EYS: variants seen among roughly 807,000 people sequenced by gnomAD.
The protein encoded by EYS is protein eyes shut homolog.
Under a neutral mutation model 282.1 loss-of-function variants are expected in EYS, and 250 were observed. That is an observed-to-expected ratio of 0.89 (90% CI 0.80 to 0.98). The LOEUF is 0.98. EYS is among the 50% of genes least tolerant of loss of function. The pLI is 0.00. For synonymous variants in EYS, 1,355 were observed against 1,282.9 expected (o/e 1.06, Z -1.20); for missense variants, 4,016 against 3,709.0 (o/e 1.08, Z -2.15).
At chr6:63,898,740 G>A (rs890876403) in intron 35 of EYS, among the ~76,000 whole-genome samples, 12 of 152,004 alleles carry the variant, frequency 7.9e-5, no homozygotes, top group Non-Finnish European at 1.2e-4. Context: ...TCACTCGAAT[G>A]ATGAATCAAA....
chr6:63,895,465 A>C (rs2149727667), intron 35 of EYS, among the ~76,000 whole-genome samples: 1 of 152,344 alleles, frequency 6.6e-6, no homozygotes, highest in East Asian at 1.9e-4. Context: ...TGGAATCAGG[A>C]ACTAAATTCT....
chr6:64,870,145 G>A (rs1314070929), intron 19 of EYS, among the ~76,000 whole-genome samples: 1 of 151,566 alleles, frequency 6.6e-6, no homozygotes, highest in Non-Finnish European at 1.5e-5. Flanking sequence ...CACAAGATGA[G>A]TAGGAACATA....
intron 29 of EYS, among the ~76,000 whole-genome samples, chr6:64,311,569 C>A (rs919167564): frequency 1.3e-5 from 2 of 152,120 alleles, no homozygotes; most frequent in African/African-American, 4.8e-5. Context: ...AAACAAAATT[C>A]TCGAGCTCGC....
chr6:64,823,827 A>C (rs531615109), intron 19 of EYS, among the ~76,000 whole-genome samples: 1 of 152,026 alleles, frequency 6.6e-6, no homozygotes, highest in African/African-American at 2.4e-5. Flanking sequence ...CCTTGCAGCT[A>C]CTCTAATATG....
At chr6:65,108,191 GT>G (rs11332919) in intron 12 of EYS, among the ~76,000 whole-genome samples, 68,737 of 151,788 alleles carry the variant, frequency 0.45, 16,140 homozygotes, top group African/African-American at 0.53. Context: ...ATGCAGGTCC[GT>G]TTAGAGATAA....
chr6:64,850,568 C>A (rs1253193579), intron 19 of EYS, among the ~76,000 whole-genome samples: 11 of 151,956 alleles, frequency 7.2e-5, no homozygotes, highest in Non-Finnish European at 1.2e-4. Context: ...AGGAATTAAA[C>A]AGCTAGAAGA....
intron 19 of EYS, among the ~76,000 whole-genome samples, chr6:64,831,735 G>A (rs1562215112): frequency 2.0e-5 from 3 of 151,796 alleles, no homozygotes. Flanking sequence ...CCAGTTGTTA[G>A]AGGACTTCAC....
chr6:64,281,533 T>A (rs922392063), intron 30 of EYS, among the ~76,000 whole-genome samples: 3 of 152,128 alleles, frequency 2.0e-5, no homozygotes, highest in African/African-American at 7.2e-5. Context: ...CAGAATTTTT[T>A]AAATTTATGT....
intron 33 of EYS, among the ~76,000 whole-genome samples, chr6:64,051,096 A>T (rs1308814805): frequency 6.6e-6 from 1 of 152,174 alleles, no homozygotes. Context: ...TTCCCAAGTC[A>T]TGTTGTTGAA....
chr6:65,319,204 C>CAA (rs55687610), intron 11 of EYS, among the ~76,000 whole-genome samples: 13,022 of 44,328 alleles, frequency 0.29, 1,898 homozygotes, highest in Non-Finnish European at 0.33. Flanking sequence ...ACTAAAAATG[C>CAA]AAAAAAAAAA....
chr6:64,328,835 T>C (rs1770528174), intron 29 of EYS, among the ~76,000 whole-genome samples: 2 of 152,108 alleles, frequency 1.3e-5, no homozygotes, highest in African/African-American at 4.8e-5. Context: ...GAGGACAAGC[T>C]AGGTAAAACT....
At position 65,194,777 on chromosome 6, in the gene EYS, G is replaced by A. The variant is rs185458499; in HGVS notation, c.2023+101086C>T. Reference sequence around the variant, plus strand: ...GGGAATTGAGGAGAACAAGTGACCCGGGTCCAATCTCCTCAAAATAGTTTC... The same window carrying A: ...GGGAATTGAGGAGAACAAGTGACCCAGGTCCAATCTCCTCAAAATAGTTTC... On this transcript the variant is annotated intron_variant, in intron 12 of 42. Coordinates refer to ENST00000503581, the MANE Select transcript of EYS (RefSeq NM_001142800.2). Among the ~76,000 whole-genome samples the A allele has an allele frequency of 3.0e-3, 449 of 151,726 alleles. 3 individuals carry two copies. The highest frequency in any genetic ancestry group is 6.2e-3 in the African/African-American group (258 of 41,446).
chr6:63,720,960 A>C lies in EYS; in HGVS notation c.9071T>G (p.Leu3024Trp). 1.9e-6 allele frequency: 3 copies of C among 1,551,356 alleles called. No homozygotes were observed. Among genetic ancestry groups the C allele is most frequent in the Non-Finnish European group, 2.6e-6 (3 of 1,146,782 alleles). Residue 3024 changes from leucine to tryptophan, a missense_variant, in exon 43 of 43, where the codon TTG (leucine) becomes TGG (tryptophan). Coordinates refer to ENST00000503581, the MANE Select transcript of EYS (RefSeq NM_001142800.2). ...HNQTLKIAVN[L>W]GERISVPMSY... ...CATAGGCACAGAGATTCTTTCTCCC[A>C]AGTTAACTGCTATTTTCAAGGTCTG... is the stretch of plus-strand genomic sequence containing the variant.
At chr6:65,297,427 G>A (rs1485538608) in intron 11 of EYS, among the ~76,000 whole-genome samples, 1 of 151,872 alleles carries the variant, frequency 6.6e-6, no homozygotes, top group Non-Finnish European at 1.5e-5. Flanking sequence ...AGGTGAATTA[G>A]TTCAAGCCTT....
At chr6:64,553,495 C>T (rs961967594) in intron 26 of EYS, among the ~76,000 whole-genome samples, 2 of 143,540 alleles carry the variant, frequency 1.4e-5, no homozygotes, top group Non-Finnish European at 3.0e-5. Context: ...GAAAAGCTTC[C>T]TTTAACAGTT....
At chr6:64,979,715 A>T (rs1212139014) in intron 14 of EYS, among the ~76,000 whole-genome samples, 1 of 151,608 alleles carries the variant, frequency 6.6e-6, no homozygotes, top group Non-Finnish European at 1.5e-5. Context: ...GTCAAGCAAA[A>T]CACTTATTGC....
At chr6:64,519,126 G>A (rs1777653623) in intron 26 of EYS, among the ~76,000 whole-genome samples, 1 of 151,754 alleles carries the variant, frequency 6.6e-6, no homozygotes, top group Non-Finnish European at 1.5e-5. Context: ...CTGGGTAGGT[G>A]TTTGAGTGAG....
intron 18 of EYS, among the ~76,000 whole-genome samples, chr6:64,899,469 T>C (rs1358176023): frequency 6.6e-6 from 1 of 152,128 alleles, no homozygotes; most frequent in Admixed American, 6.5e-5. Context: ...GAAAACCTCA[T>C]CGTCTCAGCC....
At chr6:65,467,798 A>G (rs879466081) in intron 5 of EYS, among the ~76,000 whole-genome samples, 2 of 152,144 alleles carry the variant, frequency 1.3e-5, no homozygotes, top group Non-Finnish European at 2.9e-5. Context: ...AATTGTCCAG[A>G]CAAAATAAAA....
Sources: allele counts gnomAD v4.1 joint callset (sites outside exome capture counted in the v4.1 genomes callset), GRCh38; gene constraint gnomAD v4.1.1; transcripts MANE v1.5; gene names NCBI Gene and HGNC (gene_info 2026-07-23, HGNC 2026-07-21).